Variants in C11orf87 observed in about 807,000 individuals in gnomAD.
C11orf87 encodes the protein uncharacterized protein C11orf87.
A neutral mutation model predicts 9.2 loss-of-function variants in C11orf87; 3 were observed. The observed-to-expected ratio is 0.33, with a 90% CI of 0.15 to 0.84. C11orf87 has a LOEUF of 0.84. Ranked by LOEUF, C11orf87 falls within the 40% of genes least tolerant of loss-of-function variation. The pLI, the probability that C11orf87 is intolerant of heterozygous loss-of-function variation, is 0.55. For missense variants in C11orf87, 256 were observed against 270.7 expected, an observed-to-expected ratio of 0.95 and a Z score of 0.38; for synonymous variants, 124 against 124.6, an observed-to-expected ratio of 1.00 and a Z score of 0.03.
Position 109,424,359 on chromosome 11 carries a change from CT to C in C11orf87, c.*134del. 1 of 707,236 alleles carries C rather than the reference CT, an allele frequency of 1.4e-6. No individual in the cohort carries two copies. Among genetic ancestry groups the C allele is most frequent in the Non-Finnish European group, 2.4e-6 (1 of 415,164 alleles). 43.8% of individuals were successfully genotyped at this position (707,236 alleles called of 1,614,324 possible). ...TCCTGGTTTCCTTACCTGCCCTCCCCTTACTCTTGTTTCTCCTCCGCCGAGG... is the reference window on the plus strand; with the variant it reads ...TCCTGGTTTCCTTACCTGCCCTCCCCTACTCTTGTTTCTCCTCCGCCGAGG... On this transcript the variant is annotated 3_prime_UTR_variant, in exon 2 of 2. Coordinates refer to ENST00000327419, the MANE Select transcript of C11orf87 (RefSeq NM_207645.4). The surrounding 1 kb of genome is among the most constrained non-coding windows in gnomAD (Gnocchi z 4.7).
At position 109,427,063 on chromosome 11, in the gene C11orf87, T is replaced by C. The variant is rs1198834381; in HGVS notation, c.*2836T>C. ...CTTCCAAGGAGCAGCCTGTACACTC[T>C]GTGGGGGTAATTATGAAATTGTCCT... On this transcript the variant is annotated 3_prime_UTR_variant, in exon 2 of 2. Coordinates refer to ENST00000327419, the MANE Select transcript of C11orf87 (RefSeq NM_207645.4). The C allele has an allele frequency of 6.6e-6, 1 of 152,202 alleles. No individual in the cohort carries two copies. The highest frequency in any genetic ancestry group is 6.5e-5 in the Admixed American group (1 of 15,280). 9.4% of individuals were successfully genotyped at this position (152,202 alleles called of 1,614,324 possible).
At position 109,425,286 on chromosome 11, in the gene C11orf87, TAA is replaced by T. The variant is rs200374332; in HGVS notation, c.*1070_*1071del. The stretch of plus-strand genomic sequence containing the variant: ...AACATTGCATAAGTTACCTTTTTTG[TAA>T]AAAAAAAAAAGTATTAGGTGATGTG... On this transcript the variant is annotated 3_prime_UTR_variant, in exon 2 of 2. Coordinates refer to ENST00000327419, the MANE Select transcript of C11orf87 (RefSeq NM_207645.4). The T allele has an allele frequency of 3.2e-5, 5 of 158,100 alleles. No homozygotes were observed. Among genetic ancestry groups the T allele is most frequent in the Admixed American group, 1.4e-4 (2 of 14,532 alleles). The allele number at this position is 158,100 out of a possible 1,614,324, so 9.8% of individuals were successfully genotyped here. A position where few individuals can be genotyped will look rare whatever the true frequency, so the allele number is the denominator to read the frequency against.
At position 109,424,042 on chromosome 11, in the gene C11orf87, G is replaced by A. The variant is rs1185481624; in HGVS notation, c.409G>A (p.Asp137Asn). Residue 137 changes from aspartate (D) to asparagine (N), a missense_variant, in exon 2 of 2, where the codon GAC becomes AAC. Coordinates refer to ENST00000327419, the MANE Select transcript of C11orf87 (RefSeq NM_207645.4). This position sits in a 1 kb window ranked among gnomAD's most constrained non-coding sequence, Gnocchi z 4.7. ...KETRLERQPRDSPFCAPSNAS... is the reference protein window; with the variant it reads ...KETRLERQPRNSPFCAPSNAS... ...AACCCGGCTGGAGAGGCAGCCCCGG[G>A]ACTCTCCCTTCTGCGCCCCTTCCAA... 8 of 1,613,984 alleles carry A rather than the reference G, an allele frequency of 5.0e-6. No individual in the cohort carries two copies. The highest frequency in any genetic ancestry group is 5.1e-6 in the Non-Finnish European group (6 of 1,180,026).
Position 109,423,952 on chromosome 11 carries a change from A to G in C11orf87, c.319A>G (p.Ser107Gly). 1 of 1,614,038 alleles carries G rather than the reference A, an allele frequency of 6.2e-7. No homozygotes were observed. The highest frequency in any genetic ancestry group is 2.2e-5 in the East Asian group (1 of 44,876). ...AQEEYERDHC[S>G]GSRGGGGLPR... ...GGAGGAATATGAGCGGGATCACTGCAGCGGCAGCCGCGGTGGCGGGGGGCT... is the reference window on the plus strand; with the variant it reads ...GGAGGAATATGAGCGGGATCACTGCGGCGGCAGCCGCGGTGGCGGGGGGCT... Residue 107 changes from serine to glycine, a missense_variant, in exon 2 of 2, where the codon AGC (serine) becomes GGC (glycine). Transcript: ENST00000327419. This position sits in a 1 kb window ranked among gnomAD's most constrained non-coding sequence, Gnocchi z 5.3.
At position 109,428,249 on chromosome 11, in the gene C11orf87, C is replaced by T. The variant is rs1252542078; in HGVS notation, c.*4022C>T. ...TCAACCTATATGTTGTGTAGAAATACAATTTATATCTGCATAGCTAAAGGT... is the reference window on the plus strand; with the variant it reads ...TCAACCTATATGTTGTGTAGAAATATAATTTATATCTGCATAGCTAAAGGT... On this transcript the variant is annotated 3_prime_UTR_variant, in exon 2 of 2. Coordinates refer to ENST00000327419, the MANE Select transcript of C11orf87 (RefSeq NM_207645.4). The T allele has an allele frequency of 6.6e-6, 1 of 152,020 alleles. No homozygotes were observed. Among genetic ancestry groups the T allele is most frequent in the African/African-American group, 2.4e-5 (1 of 41,394 alleles). The allele number at this position is 152,020 out of a possible 1,614,324, so 9.4% of individuals were successfully genotyped here. A position where few individuals can be genotyped will look rare whatever the true frequency, so the allele number is the denominator to read the frequency against.
Position 109,423,847 on chromosome 11 carries a change from T to A in C11orf87, c.214T>A (p.Phe72Ile), listed in dbSNP as rs1223853514. Reference protein sequence around the residue: ...LVLIVLVTLIFCLIVLSLSTF... With the variant: ...LVLIVLVTLIICLIVLSLSTF... ...GCTGATTGTCCTGGTTACCCTCATC[T>A]TCTGCCTCATCGTGCTGTCCCTCTC... The change falls in exon 2 of 2, where the codon TTC becomes ATC. Residue 72 changes from phenylalanine to isoleucine, a missense_variant. Coordinates refer to ENST00000327419, the MANE Select transcript of C11orf87 (RefSeq NM_207645.4). The surrounding 1 kb of genome is among the most constrained non-coding windows in gnomAD (Gnocchi z 5.3). 6.2e-7 allele frequency: 1 copy of A among 1,614,032 alleles called. No individual in the cohort carries two copies. Among genetic ancestry groups the A allele is most frequent in the East Asian group, 2.2e-5 (1 of 44,892 alleles).
rs979858025 is a variant in C11orf87 at position 109,427,448 on chromosome 11, T to C, written c.*3221T>C. On this transcript the variant is annotated 3_prime_UTR_variant, in exon 2 of 2. Transcript: ENST00000327419. ...TTCAATAAGCACATATCCAAGCAAT[T>C]TGTACAGACCTTGTTTAAAGCACTG... is the stretch of plus-strand genomic sequence containing the variant. The C allele has an allele frequency of 1.1e-4, 16 of 152,160 alleles. No homozygotes were observed. Among genetic ancestry groups the C allele is most frequent in the Admixed American group, 6.5e-5 (1 of 15,282 alleles). The allele number at this position is 152,160 out of a possible 1,614,324, so 9.4% of individuals were successfully genotyped here.
Position 109,423,473 on chromosome 11 carries a change from T to G in C11orf87, c.-161T>G, listed in dbSNP as rs1860523106. ...CCGCTCACTCCTTGGTCGCCTTGCT[T>G]GCCAGCAGTTGCTCCCTTAGTCCTT... On this transcript the variant is annotated 5_prime_UTR_variant, in exon 2 of 2. Coordinates refer to ENST00000327419, the MANE Select transcript of C11orf87 (RefSeq NM_207645.4). The surrounding 1 kb of genome is among the most constrained non-coding windows in gnomAD (Gnocchi z 5.3). The G allele has an allele frequency of 1.4e-6, 1 of 693,150 alleles. No individual in the cohort carries two copies. The highest frequency in any genetic ancestry group is 1.8e-5 in the African/African-American group (1 of 55,616). 42.9% of individuals were successfully genotyped at this position (693,150 alleles called of 1,614,324 possible). A position where few individuals can be genotyped will look rare whatever the true frequency, so the allele number is the denominator to read the frequency against.
At position 109,423,446 on chromosome 11, in the gene C11orf87, C is replaced by A; in HGVS notation, c.-188C>A. On this transcript the variant is annotated 5_prime_UTR_variant, in exon 2 of 2. Transcript: ENST00000327419. This position sits in a 1 kb window ranked among gnomAD's most constrained non-coding sequence, Gnocchi z 5.3. ...GTGGTATCGGCGAGGATCTCTCGGG[C>A]GCCGCTCACTCCTTGGTCGCCTTGC... 1.7e-6 allele frequency: 1 copy of A among 600,684 alleles called. No individual in the cohort carries two copies. The highest frequency in any genetic ancestry group is 2.9e-6 in the Non-Finnish European group (1 of 343,814). 37.2% of individuals were successfully genotyped at this position (600,684 alleles called of 1,614,324 possible).
In C11orf87 at chr11:109,428,486, C is replaced by G. The variant is rs1259693215; in HGVS notation, c.*4259C>G. 6.6e-6 allele frequency: 1 copy of G among 152,020 alleles called. No homozygotes were observed. The highest frequency in any genetic ancestry group is 1.9e-4 in the East Asian group (1 of 5,188). 9.4% of individuals were successfully genotyped at this position (152,020 alleles called of 1,614,324 possible). ...TCTGTGGGTGAAAGTTGAACAATTG[C>G]TAGCTGATATTATGTGGAAGTTACA... On this transcript the variant is annotated 3_prime_UTR_variant, in exon 2 of 2. Coordinates refer to ENST00000327419, the MANE Select transcript of C11orf87 (RefSeq NM_207645.4).
rs766403740 is a variant in C11orf87, at chr11:109,423,604, G to T, written c.-30G>T. ...CGGTGTGCCCAAGAGGGGAAGCCTA[G>T]TGGGCCTGGCCCCTCCCAGCCCCGC... is the stretch of plus-strand genomic sequence containing the variant. On this transcript the variant is annotated 5_prime_UTR_variant, in exon 2 of 2. Coordinates refer to ENST00000327419, the MANE Select transcript of C11orf87 (RefSeq NM_207645.4). The surrounding 1 kb of genome is among the most constrained non-coding windows in gnomAD (Gnocchi z 5.3). 1.2e-5 allele frequency: 19 copies of T among 1,559,274 alleles called. No individual in the cohort carries two copies. The highest frequency in any genetic ancestry group is 1.5e-5 in the Non-Finnish European group (17 of 1,162,312).
At position 109,426,317 on chromosome 11, in the gene C11orf87, A is replaced by T. The variant is rs1860572773; in HGVS notation, c.*2090A>T. On this transcript the variant is annotated 3_prime_UTR_variant, in exon 2 of 2. Coordinates refer to ENST00000327419, the MANE Select transcript of C11orf87 (RefSeq NM_207645.4). ...CTCTCCCAAGCAACTCATTGTTCTA[A>T]ATTGTCTACTTGGTCCAGACATATG... is the stretch of plus-strand genomic sequence containing the variant. 1 of 152,246 alleles carries T rather than the reference A, an allele frequency of 6.6e-6. No individual in the cohort carries two copies. The highest frequency in any genetic ancestry group is 1.5e-5 in the Non-Finnish European group (1 of 68,044). The allele number at this position is 152,246 out of a possible 1,614,324, so 9.4% of individuals were successfully genotyped here.
Position 109,424,349 on chromosome 11 carries a change from C to A in C11orf87, c.*122C>A. 1 of 738,678 alleles carries A rather than the reference C, an allele frequency of 1.4e-6. No homozygotes were observed. The allele number at this position is 738,678 out of a possible 1,614,324, so 45.8% of individuals were successfully genotyped here. ...TCTTTCCTCTTCCTGGTTTCCTTAC[C>A]TGCCCTCCCCTTACTCTTGTTTCTC... On this transcript the variant is annotated 3_prime_UTR_variant, in exon 2 of 2. Coordinates refer to ENST00000327419, the MANE Select transcript of C11orf87 (RefSeq NM_207645.4). The surrounding 1 kb of genome is among the most constrained non-coding windows in gnomAD (Gnocchi z 4.7).
Position 109,423,747 on chromosome 11 carries a change from A to G in C11orf87, c.114A>G (p.Pro38=). 1.2e-6 allele frequency: 2 copies of G among 1,613,910 alleles called. No homozygotes were observed. The highest frequency in any genetic ancestry group is 1.3e-5 in the African/African-American group (1 of 75,050). ...GCGGCAACACGGGTGCCCGCGGCCC[A>G]GGCGCAGTAGGCAGCGGCACCTGCA... ...SGSGNTGARG[P]GAVGSGTCIT... Residue 38 remains proline, a synonymous_variant, in exon 2 of 2, where the codon CCA becomes CCG. Transcript: ENST00000327419. This position sits in a 1 kb window ranked among gnomAD's most constrained non-coding sequence, Gnocchi z 5.3.
rs966752036 is a variant in C11orf87 at position 109,427,815 on chromosome 11, A to G, written c.*3588A>G. 6.6e-6 allele frequency: 1 copy of G among 152,082 alleles called. No homozygotes were observed. The highest frequency in any genetic ancestry group is 2.4e-5 in the African/African-American group (1 of 41,408). The allele number at this position is 152,082 out of a possible 1,614,324, so 9.4% of individuals were successfully genotyped here. ...ATTTAGACTTTATATACACCCATAG[A>G]TATGTATTTATATATGCATACGTTT... is the stretch of plus-strand genomic sequence containing the variant. On this transcript the variant is annotated 3_prime_UTR_variant, in exon 2 of 2. Coordinates refer to ENST00000327419, the MANE Select transcript of C11orf87 (RefSeq NM_207645.4).
Position 109,424,942 on chromosome 11 carries a change from T to TTTAAAA in C11orf87, c.*717_*722dup, listed in dbSNP as rs1223959039. Reference sequence around the variant, plus strand: ...CCAGGACAGAGCATTTAATTTACTTTTTAAAATGACCCTCGCTGGCCGAGC... The same window carrying TTTAAAA: ...CCAGGACAGAGCATTTAATTTACTTTTTAAAATTAAAATGACCCTCGCTGGCCGAGC... On this transcript the variant is annotated 3_prime_UTR_variant, in exon 2 of 2. Coordinates refer to ENST00000327419, the MANE Select transcript of C11orf87 (RefSeq NM_207645.4). This position sits in a 1 kb window ranked among gnomAD's most constrained non-coding sequence, Gnocchi z 4.7. 1.2e-5 allele frequency: 2 copies of TTTAAAA among 167,152 alleles called. No homozygotes were observed. The highest frequency in any genetic ancestry group is 3.8e-4 in the East Asian group (2 of 5,212). 10.4% of individuals were successfully genotyped at this position (167,152 alleles called of 1,614,324 possible).
Position 109,425,077 on chromosome 11 carries a change from A to G in C11orf87, c.*850A>G, listed in dbSNP as rs1334278295. Reference sequence around the variant, plus strand: ...GACTTGTGACATTTTCAGGATTTACAAAGGATCTGGGAGCTGTCCAGCCAG... The same window carrying G: ...GACTTGTGACATTTTCAGGATTTACGAAGGATCTGGGAGCTGTCCAGCCAG... On this transcript the variant is annotated 3_prime_UTR_variant, in exon 2 of 2. Coordinates refer to ENST00000327419, the MANE Select transcript of C11orf87 (RefSeq NM_207645.4). The G allele has an allele frequency of 1.8e-5, 3 of 164,098 alleles. No homozygotes were observed. Among genetic ancestry groups the G allele is most frequent in the Non-Finnish European group, 3.0e-5 (2 of 67,610 alleles). 10.2% of individuals were successfully genotyped at this position (164,098 alleles called of 1,614,324 possible).
In C11orf87 at chr11:109,425,931, C is replaced by T. The variant is rs1394153455; in HGVS notation, c.*1704C>T. On this transcript the variant is annotated 3_prime_UTR_variant, in exon 2 of 2. Coordinates refer to ENST00000327419, the MANE Select transcript of C11orf87 (RefSeq NM_207645.4). The stretch of plus-strand genomic sequence containing the variant: ...ATCTGTGCCTGCAGCAAAAGAAAGG[C>T]TCTCTTTCTCAGTCTGTCCTAACTT... The T allele has an allele frequency of 6.6e-6, 1 of 152,158 alleles. No homozygotes were observed. Among genetic ancestry groups the T allele is most frequent in the Non-Finnish European group, 1.5e-5 (1 of 68,030 alleles). 9.4% of individuals were successfully genotyped at this position (152,158 alleles called of 1,614,324 possible).
At position 109,425,218 on chromosome 11, in the gene C11orf87, T is replaced by G. The variant is rs185517895; in HGVS notation, c.*991T>G. ...TTTTGGTTGGGTTCTTTCTTCTTTT[T>G]CTACAATCGAGTTAGCGTGTACTAT... On this transcript the variant is annotated 3_prime_UTR_variant, in exon 2 of 2. Coordinates refer to ENST00000327419, the MANE Select transcript of C11orf87 (RefSeq NM_207645.4). 1.2e-5 allele frequency: 2 copies of G among 167,180 alleles called. No homozygotes were observed. Among genetic ancestry groups the G allele is most frequent in the Admixed American group, 1.3e-4 (2 of 15,302 alleles). The allele number at this position is 167,180 out of a possible 1,614,324, so 10.4% of individuals were successfully genotyped here.
Sources: gnomAD v4.1 joint callset for allele counts on GRCh38, gnomAD v4.1.1 for gene constraint, Gnocchi (gnomAD v3.1) non-coding constraint, MANE v1.5 for transcripts, NCBI Gene and HGNC (gene_info 2026-07-23, HGNC 2026-07-21) for gene names.